SLX4: variants seen among roughly 807,000 people sequenced by gnomAD.
SLX4 encodes the protein structure-specific endonuclease subunit SLX4.
A neutral mutation model predicts 146.2 loss-of-function variants in SLX4; 112 were observed. The ratio of observed to expected loss-of-function variants is 0.77; its 90% CI spans 0.66 to 0.90. The LOEUF (loss-of-function observed/expected upper bound fraction) is 0.90. Among genes scored for constraint, SLX4 ranks in the 40% least tolerant of loss-of-function variants. SLX4 has a pLI of 0.00. For synonymous variants in SLX4, 1,061 were observed against 997.7 expected, an observed-to-expected ratio of 1.06 and a Z score of -1.20; for missense variants, 2,563 against 2,392.7, an observed-to-expected ratio of 1.07 and a Z score of -1.49.
At chr16:3,586,241 G>C (rs779625843) in intron 12 of SLX4, among the ~76,000 whole-genome samples, 4 of 152,042 alleles carry the variant, frequency 2.6e-5, no homozygotes, top group African/African-American at 9.7e-5. Context: ...AAAACAACCC[G>C]TGTGTCCACT....
chr16:3,601,226 T>G (rs1328686901), intron 4 of SLX4, 35 bp from the exon 5 acceptor site: 1 of 1,608,064 alleles, frequency 6.2e-7, no homozygotes, highest in Admixed American at 1.7e-5. Flanking sequence ...AGAACCACCC[T>G]CCCCAGGAAT....
rs748812906 is a variant in SLX4, at chr16:3,589,603, A to G, written c.4035T>C (p.Arg1345=). The change falls in exon 12 of 15, where the codon CGT becomes CGC. Residue 1345 remains arginine (R), a synonymous_variant. Transcript: ENST00000294008. The surrounding 1 kb of genome is among the most constrained non-coding windows in gnomAD (Gnocchi z 6.2). ...GRRQGHRSPS[R]PHPGGHPHSS... is the part of the protein sequence containing the mutation. ...AGTGCGGGTGGCCCCCGGGGTGGGG[A>G]CGGGAAGGGCTTCTGTGGCCTTGCC... is the stretch of plus-strand genomic sequence containing the variant. 6.2e-7 allele frequency: 1 copy of G among 1,613,622 alleles called. No homozygotes were observed. Among genetic ancestry groups the G allele is most frequent in the East Asian group, 2.2e-5 (1 of 44,882 alleles).
chr16:3,599,201 T>C (rs1210976234), intron 5 of SLX4, among the ~76,000 whole-genome samples: 1 of 152,216 alleles, frequency 6.6e-6, no homozygotes, highest in Non-Finnish European at 1.5e-5. Flanking sequence ...GATGCGCTCC[T>C]CCACCAAGAG....
rs1333477409 is a variant in SLX4 at position 3,582,704 on chromosome 16, C to G, written c.5154-11G>C. The G allele has an allele frequency of 6.2e-7, 1 of 1,607,200 alleles. No homozygotes were observed. The highest frequency in any genetic ancestry group is 1.1e-5 in the South Asian group (1 of 90,872). ...TCACAGGAGGAAGAACTGAAAAGAG[C>G]CAGACCAGGACGTTGTGCAACCCCT... On this transcript the variant is annotated splice_polypyrimidine_tract_variant and intron_variant, in intron 14 of 14. Transcript: ENST00000294008.
intron 2 of SLX4, among the ~76,000 whole-genome samples, chr16:3,607,541 A>C (rs866594286): frequency 2.0e-5 from 3 of 152,290 alleles, no homozygotes; most frequent in Middle Eastern, 6.8e-3. Context: ...AAAATTATCC[A>C]GGCACGGTGG....
At chr16:3,605,389 C>T (rs184660571) in intron 3 of SLX4, among the ~76,000 whole-genome samples, 1 of 151,662 alleles carries the variant, frequency 6.6e-6, no homozygotes, top group African/African-American at 2.4e-5. Flanking sequence ...ACGCCTGGCC[C>T]CTAAAATTTT....
Position 3,603,846 on chromosome 16 carries a change from G to C in SLX4, c.761-1539C>G, listed in dbSNP as rs1007096003. On this transcript the variant is annotated intron_variant, in intron 3 of 14. Coordinates refer to ENST00000294008, the MANE Select transcript of SLX4 (RefSeq NM_032444.4). ...TCTACTCAGAGTGGGGCAACCCAAT[G>C]GTTAGAGGAAGGAGTTAACGATCCC... Among the ~76,000 whole-genome samples the C allele has an allele frequency of 4.6e-5, 7 of 152,166 alleles. No individual in the cohort carries two copies. In the East Asian group the frequency reaches 1.3e-3, roughly 29 times the overall value.
In SLX4 at chr16:3,594,552, G is replaced by A; in HGVS notation, c.2061C>T (p.Asn687=). The change falls in exon 10 of 15, where the codon AAC becomes AAT. Residue 687 remains asparagine, a synonymous_variant. Transcript: ENST00000294008. ...LVADFGAMVN[N]PHLSDVQFQT... ...GAAACTGGACATCACTCAGGTGTGG[G>A]TTATTGACCATGGCGCCAAAGTCAG... 6.2e-7 allele frequency: 1 copy of A among 1,614,142 alleles called. No individual in the cohort carries two copies. Among genetic ancestry groups the A allele is most frequent in the South Asian group, 1.1e-5 (1 of 91,082 alleles).
chr16:3,585,330 T>A (rs2151118410), intron 12 of SLX4, among the ~76,000 whole-genome samples: 1 of 152,282 alleles, frequency 6.6e-6, no homozygotes, highest in African/African-American at 2.4e-5. Context: ...CTCACGCCTG[T>A]AATCCCAGCA....
intron 12 of SLX4, among the ~76,000 whole-genome samples, chr16:3,588,697 TG>T (rs959994587): frequency 2.0e-5 from 3 of 152,214 alleles, no homozygotes; most frequent in Non-Finnish European, 4.4e-5. Context: ...TTGTGGCCTT[TG>T]GAGGTGCCGG....
rs374232786 is a variant in SLX4 at position 3,586,864 on chromosome 16, TACA to T, written c.4637-1996_4637-1994del. 3.1e-3 allele frequency among the ~76,000 whole-genome samples: 465 copies of T among 151,586 alleles called. 6 individuals are homozygous for T. The highest frequency in any genetic ancestry group is 0.01 in the Middle Eastern group (3 of 294). ...AAAGGAATAAAATACTGATCCATGC[TACA>T]ACATGTATGAATCTTGAAAACTGTA... On this transcript the variant is annotated intron_variant, in intron 12 of 14. Transcript: ENST00000294008.
chr16:3,608,968 G>C lies in SLX4; in HGVS notation c.-4C>G. 6.2e-7 allele frequency: 1 copy of C among 1,611,896 alleles called. No individual in the cohort carries two copies. The highest frequency in any genetic ancestry group is 8.5e-7 in the Non-Finnish European group (1 of 1,179,920). On this transcript the variant is annotated 5_prime_UTR_variant, in exon 2 of 15. Coordinates refer to ENST00000294008, the MANE Select transcript of SLX4 (RefSeq NM_032444.4). ...CCTCATTCACACTCAGTTTCATTAG[G>C]GTTCTTCTCTACTTCTCCATTAGAT...
intron 4 of SLX4, chr16:3,601,719 G>A: frequency 3.2e-6 from 1 of 314,496 alleles, no homozygotes; most frequent in Admixed American, 4.7e-5. Flanking sequence ...GTCAAAGAAG[G>A]CAGACACAAA....
rs2040818706 is a variant in SLX4 at position 3,609,021 on chromosome 16, A to G, written c.-57T>C. The G allele has an allele frequency of 1.3e-6, 2 of 1,576,092 alleles. No individual in the cohort carries two copies. The highest frequency in any genetic ancestry group is 1.7e-6 in the Non-Finnish European group (2 of 1,160,244). On this transcript the variant is annotated 5_prime_UTR_variant, in exon 2 of 15. Transcript: ENST00000294008. Reference sequence around the variant, plus strand: ...TTGGAGAGTTTGCACAATTGAACAAAAAGTACTGTTTTCCTCTCTATAATG... The same window carrying G: ...TTGGAGAGTTTGCACAATTGAACAAGAAGTACTGTTTTCCTCTCTATAATG...
intron 5 of SLX4, among the ~76,000 whole-genome samples, chr16:3,599,636 G>A (rs1475708462): frequency 6.6e-6 from 1 of 152,198 alleles, no homozygotes; most frequent in Non-Finnish European, 1.5e-5. Context: ...GCCCAGGCTG[G>A]AGTGCAGTGG....
rs533165613 is a variant in SLX4, at chr16:3,595,797, G to A, written c.1925-104C>T. On this transcript the variant is annotated intron_variant, in intron 8 of 14. Coordinates refer to ENST00000294008, the MANE Select transcript of SLX4 (RefSeq NM_032444.4). ...GCTGAGCCAGCCCCTGCGGTGCCTC[G>A]GAAGGTGCTTGCTATCCGAGGACAC... 2.6e-5 allele frequency: 34 copies of A among 1,330,454 alleles called. No individual in the cohort carries two copies. In the South Asian group the frequency reaches 2.7e-4, roughly 11 times the overall value. 82.4% of individuals were successfully genotyped at this position (1,330,454 alleles called of 1,614,324 possible).
At chr16:3,602,040 G>C in intron 4 of SLX4, 78 bp downstream of exon 4, 1 of 1,558,336 alleles carries the variant, frequency 6.4e-7, no homozygotes, top group Non-Finnish European at 8.8e-7. Context: ...AAGGTGTGGA[G>C]ATCCGCACTC....
At position 3,581,182 on chromosome 16, in the gene SLX4, T is replaced by G. The variant is rs573496854; in HGVS notation, c.*1160A>C. On this transcript the variant is annotated 3_prime_UTR_variant, in exon 15 of 15. Transcript: ENST00000294008. ...TCTCCCTGGAGTGTGGCAGCCAGAT[T>G]TTAATAAAGCCTTTTTGGTTTATTG... 3.3e-5 allele frequency: 5 copies of G among 152,764 alleles called. No homozygotes were observed. Among genetic ancestry groups the G allele is most frequent in the African/African-American group, 1.2e-4 (5 of 41,564 alleles). 9.5% of individuals were successfully genotyped at this position (152,764 alleles called of 1,614,324 possible). A position where few individuals can be genotyped will look rare whatever the true frequency, so the allele number is the denominator to read the frequency against.
chr16:3,601,949 T>C (rs747212764), intron 4 of SLX4, 169 bp downstream of exon 4: 4 of 728,840 alleles, frequency 5.5e-6, no homozygotes, highest in Admixed American at 2.3e-5. Context: ...GTGAACTATA[T>C]GTTCTGTGAA....
Sources: gnomAD v4.1 joint callset for allele counts (sites outside exome capture counted in the v4.1 genomes callset) on GRCh38, gnomAD v4.1.1 for gene constraint, Gnocchi (gnomAD v3.1) non-coding constraint, MANE v1.5 for transcripts, NCBI Gene and HGNC (gene_info 2026-07-23, HGNC 2026-07-21) for gene names.